Variants in USP7 observed in about 807,000 individuals in gnomAD.
USP7 encodes the protein ubiquitin C-terminal hydrolase 7.
A neutral mutation model predicts 162.9 loss-of-function variants in USP7; 9 were observed. The observed-to-expected ratio is 0.06, with a 90% CI of 0.03 to 0.10. The LOEUF (loss-of-function observed/expected upper bound fraction) is 0.10. Among genes scored for constraint, USP7 ranks in the 10% least tolerant of loss-of-function variants. USP7 has a pLI of 1.00. For missense variants in USP7, 715 were observed against 1,373.7 expected (o/e 0.52, Z 7.58); for synonymous variants, 562 against 475.9 (o/e 1.18, Z -2.35).
At chr16:8,941,193 T>C (rs1361570403) in intron 1 of USP7, among the ~76,000 whole-genome samples, 1 of 152,108 alleles carries the variant, frequency 6.6e-6, no homozygotes, top group Non-Finnish European at 1.5e-5. Context: ...ACGCCCTCTG[T>C]GCCTGACTGG....
intron 1 of USP7, among the ~76,000 whole-genome samples, chr16:8,932,027 C>G (rs1898378604): frequency 1.3e-5 from 2 of 152,142 alleles, no homozygotes; most frequent in East Asian, 1.9e-4. Context: ...AGCAAGCAAT[C>G]TGATTCAGCA....
At chr16:8,936,968 G>T (rs1898774512) in intron 1 of USP7, among the ~76,000 whole-genome samples, 1 of 152,052 alleles carries the variant, frequency 6.6e-6, no homozygotes, top group Non-Finnish European at 1.5e-5. Flanking sequence ...AGTCGCTGGG[G>T]GGCACACAGG....
intron 2 of USP7, among the ~76,000 whole-genome samples, chr16:8,925,632 C>A (rs947635516): frequency 3.3e-5 from 5 of 152,166 alleles, no homozygotes; most frequent in Admixed American, 6.5e-5. Context: ...CCCAGCCCCG[C>A]AGAGGCCACC....
chr16:8,914,685 A>G (rs2062001380), intron 10 of USP7, among the ~76,000 whole-genome samples: 1 of 152,188 alleles, frequency 6.6e-6, no homozygotes, highest in Admixed American at 6.5e-5. Context: ...TGGGAGCCCA[A>G]GGCAGGAAGG....
At chr16:8,896,081 C>T (rs918974657) in intron 26 of USP7, among the ~76,000 whole-genome samples, 7 of 151,624 alleles carry the variant, frequency 4.6e-5, no homozygotes, top group Admixed American at 1.3e-4. Flanking sequence ...CCTCGTGATC[C>T]GCCCGCCTCG....
intron 21 of USP7, chr16:8,899,968 T>C (rs2061748154): frequency 1.6e-6 from 1 of 622,760 alleles, no homozygotes; most frequent in Non-Finnish European, 2.8e-6. Flanking sequence ...AGGCGCAATG[T>C]AGTGGCTTTA....
intron 10 of USP7, among the ~76,000 whole-genome samples, chr16:8,913,695 T>C (rs904452750): frequency 9.2e-5 from 14 of 152,092 alleles, no homozygotes; most frequent in African/African-American, 1.5e-4. Flanking sequence ...CGGAGGAGCA[T>C]TGCAAGCTGT....
intron 1 of USP7, among the ~76,000 whole-genome samples, chr16:8,953,432 TAAGTA>T (rs1386086007): frequency 1.3e-5 from 2 of 152,016 alleles, no homozygotes; most frequent in Non-Finnish European, 2.9e-5. Flanking sequence ...CTACTGCCAC[TAAGTA>T]AAGTCTGAGG....
At chr16:8,904,022 C>T (rs898678621) in intron 15 of USP7, among the ~76,000 whole-genome samples, 2 of 152,210 alleles carry the variant, frequency 1.3e-5, no homozygotes, top group Admixed American at 6.5e-5. Flanking sequence ...AGCAACCTGA[C>T]GTGCACTTAA....
At chr16:8,929,348 G>A (rs1567231930) in intron 2 of USP7, 3 of 396,784 alleles carry the variant, frequency 7.6e-6, no homozygotes, top group Non-Finnish European at 1.5e-5. Flanking sequence ...AAAGCAGCGG[G>A]TTTAGACCAC....
rs2061758857 is a variant in USP7, at chr16:8,900,598, C to T, written c.2241G>A (p.Gln747=). ...CTTTATCAAGAGACACGTCATAGTC[C>T]TGAATTCTCTCTGTTAAATTCGGTT... is the stretch of plus-strand genomic sequence containing the variant. ...EVKPNLTERI[Q]DYDVSLDKAL... Residue 747 remains glutamine (Q), a synonymous_variant, in exon 21 of 31, where the codon CAG becomes CAA. Coordinates refer to ENST00000344836, the MANE Select transcript of USP7 (RefSeq NM_003470.3). 6.2e-7 allele frequency: 1 copy of T among 1,610,982 alleles called. No homozygotes were observed. Among genetic ancestry groups the T allele is most frequent in the Admixed American group, 1.7e-5 (1 of 58,886 alleles).
chr16:8,902,273 CG>C, intron 17 of USP7, 86 bp from the exon 18 acceptor site: 2 of 1,574,566 alleles, frequency 1.3e-6, no homozygotes, highest in Non-Finnish European at 1.7e-6. Context: ...TTGAAGAAAA[CG>C]TCCAATTCTA....
chr16:8,906,276 G>T, intron 13 of USP7, 150 bp downstream of exon 13: 1 of 825,856 alleles, frequency 1.2e-6, no homozygotes, highest in East Asian at 2.6e-5. Context: ...GCAATTAAAT[G>T]GATGGGAAAA....
At chr16:8,894,449 A>G in intron 30 of USP7, 101 bp downstream of exon 30, 1 of 1,176,808 alleles carries the variant, frequency 8.5e-7, no homozygotes, top group Non-Finnish European at 1.2e-6. Context: ...GTGGAGAGAG[A>G]GGAGCTGGCA....
At chr16:8,918,069 C>A (rs988544910) in intron 6 of USP7, among the ~76,000 whole-genome samples, 4 of 152,130 alleles carry the variant, frequency 2.6e-5, no homozygotes, top group Admixed American at 2.6e-4. Context: ...GAATTACAGG[C>A]ATGAGCCACT....
rs1432401447 is a variant in USP7, at chr16:8,910,642, A to G, written c.1161+103T>C. The stretch of plus-strand genomic sequence containing the variant: ...AATCCTTGTATATTCTAAATACCAG[A>G]AACACATGAAAAGGCACAAGCAAAT... On this transcript the variant is annotated intron_variant, in intron 11 of 30. Transcript: ENST00000344836. 1.2e-5 allele frequency: 12 copies of G among 997,938 alleles called. No individual in the cohort carries two copies. The East Asian group carries it at 3.0e-4, about 25-fold the overall frequency. 61.8% of individuals were successfully genotyped at this position (997,938 alleles called of 1,614,324 possible). A position where few individuals can be genotyped will look rare whatever the true frequency, so the allele number is the denominator to read the frequency against.
At chr16:8,897,408 T>G (rs1315454357) in intron 25 of USP7, among the ~76,000 whole-genome samples, 3 of 151,866 alleles carry the variant, frequency 2.0e-5, no homozygotes, top group African/African-American at 7.3e-5. Context: ...CCTTCCCAAC[T>G]CTCAGCACAA....
At chr16:8,960,265 G>A (rs1899960370) in intron 1 of USP7, among the ~76,000 whole-genome samples, 8 of 152,148 alleles carry the variant, frequency 5.3e-5, no homozygotes, top group Admixed American at 5.2e-4. Flanking sequence ...GGGAGTGTGT[G>A]GTTGCAACCC....
intron 26 of USP7, 140 bp downstream of exon 26, chr16:8,896,859 C>T: frequency 1.4e-6 from 1 of 729,890 alleles, no homozygotes. Context: ...ACTGTCTTTG[C>T]AATGGAGGCA....
Sources: allele counts gnomAD v4.1 joint callset (sites outside exome capture counted in the v4.1 genomes callset), GRCh38; gene constraint gnomAD v4.1.1; transcripts MANE v1.5; gene names NCBI Gene and HGNC (gene_info 2026-07-23, HGNC 2026-07-21).